EEA1: variants seen among roughly 807,000 people sequenced by gnomAD.
EEA1 encodes early endosome antigen 1, 162kD.
Under a neutral mutation model 209.2 loss-of-function variants are expected in EEA1, and 111 were observed. That is an observed-to-expected ratio of 0.53 (90% CI 0.45 to 0.62). The LOEUF is 0.62. Ranked by LOEUF, EEA1 falls within the 20% of genes least tolerant of loss-of-function variation. The pLI, the probability that EEA1 is intolerant of heterozygous loss-of-function variation, is 0.00. For synonymous variants in EEA1, 536 were observed against 540.6 expected, an observed-to-expected ratio of 0.99 and a Z score of 0.12; for missense variants, 1,343 against 1,530.8, an observed-to-expected ratio of 0.88 and a Z score of 2.05.
At chr12:92,798,157 G>A (rs1287665649) in intron 21 of EEA1, among the ~76,000 whole-genome samples, 1 of 152,096 alleles carries the variant, frequency 6.6e-6, no homozygotes, top group African/African-American at 2.4e-5. Context: ...AACCATTACA[G>A]TGTAACTTAA....
Position 92,842,451 on chromosome 12 carries a change from T to A in EEA1, c.915+14A>T. 7.7e-7 allele frequency: 1 copy of A among 1,306,812 alleles called. No individual in the cohort carries two copies. Among genetic ancestry groups the A allele is most frequent in the Non-Finnish European group, 1.1e-6 (1 of 912,884 alleles). The allele number at this position is 1,306,812 out of a possible 1,614,324, so 81.0% of individuals were successfully genotyped here. A position where few individuals can be genotyped will look rare whatever the true frequency, so the allele number is the denominator to read the frequency against. On this transcript the variant is annotated intron_variant, in intron 10 of 28. Transcript: ENST00000322349. ...AAATCAATTTGCTATTATATATAGC[T>A]TTAAAATTCTCACCTGATTTTTTTG...
intron 10 of EEA1, among the ~76,000 whole-genome samples, chr12:92,834,528 A>C (rs536911894): frequency 8.0e-6 from 1 of 125,338 alleles, no homozygotes; most frequent in Non-Finnish European, 1.6e-5. Flanking sequence ...CTGGGCAACA[A>C]GGGCAAGACC....
Position 92,776,068 on chromosome 12 carries a change from A to G in EEA1, c.4179T>C (p.Pro1393=). 6.2e-7 allele frequency: 1 copy of G among 1,611,748 alleles called. No homozygotes were observed. The highest frequency in any genetic ancestry group is 1.1e-5 in the South Asian group (1 of 90,884). ...AECSAKNALT[P]SSKKPVRVCD... ...AGACACGAACAGGCTTCTTGGAGGAAGGAGTTAAGGCATTTTTGGCTGAAC... is the reference window on the plus strand; with the variant it reads ...AGACACGAACAGGCTTCTTGGAGGAGGGAGTTAAGGCATTTTTGGCTGAAC... Residue 1393 remains proline, a synonymous_variant, in exon 29 of 29, where the codon CCT becomes CCC. Transcript: ENST00000322349.
intron 1 of EEA1, among the ~76,000 whole-genome samples, chr12:92,906,706 G>T (rs1031606266): frequency 1.3e-5 from 2 of 151,890 alleles, no homozygotes; most frequent in Admixed American, 1.3e-4. Context: ...CCCAGCTACT[G>T]GGGAGGCTGA....
intron 2 of EEA1, among the ~76,000 whole-genome samples, chr12:92,891,318 G>C (rs1879646759): frequency 1.3e-5 from 2 of 151,990 alleles, no homozygotes; most frequent in Admixed American, 1.3e-4. Flanking sequence ...GTTCATGACA[G>C]TACACACACA....
chr12:92,907,934 G>A (rs760830781), intron 1 of EEA1, among the ~76,000 whole-genome samples: 9 of 152,112 alleles, frequency 5.9e-5, no homozygotes, highest in South Asian at 4.2e-4. Flanking sequence ...ACACCACTGC[G>A]CTCCAGCCTG....
intron 2 of EEA1, among the ~76,000 whole-genome samples, chr12:92,876,696 A>G (rs1878901527): frequency 6.6e-6 from 1 of 152,158 alleles, no homozygotes; most frequent in Non-Finnish European, 1.5e-5. Flanking sequence ...TACAGAGATT[A>G]GCTTATGGAA....
At chr12:92,791,463 G>C (rs933032436) in intron 21 of EEA1, among the ~76,000 whole-genome samples, 1 of 152,072 alleles carries the variant, frequency 6.6e-6, no homozygotes, top group Non-Finnish European at 1.5e-5. Flanking sequence ...AAAAACACCA[G>C]GGGTTGCAAT....
intron 1 of EEA1, among the ~76,000 whole-genome samples, chr12:92,906,252 T>C (rs890324333): frequency 2.6e-5 from 4 of 151,860 alleles, no homozygotes; most frequent in Admixed American, 1.3e-4. Context: ...CCACCACACC[T>C]GACTAATTTT....
Position 92,856,439 on chromosome 12 carries a change from T to C in EEA1, c.366+836A>G, listed in dbSNP as rs147980696. ...TGTTTTTCTCTATGTATTATTTTTA[T>C]GTAAAGTCATACAGAATATGAGTGT... On this transcript the variant is annotated intron_variant, in intron 5 of 28. Coordinates refer to ENST00000322349, the MANE Select transcript of EEA1 (RefSeq NM_003566.4). Among the ~76,000 whole-genome samples the C allele has an allele frequency of 8.6e-3, 1,311 of 152,306 alleles. 18 individuals are homozygous for C. The highest frequency in any genetic ancestry group is 0.047 in the East Asian group (243 of 5,190).
Position 92,849,499 on chromosome 12 carries a change from TA to T in EEA1, c.798+1611del, listed in dbSNP as rs575654608. On this transcript the variant is annotated intron_variant, in intron 9 of 28. Transcript: ENST00000322349. ...ATAATACCAGTAGGACAAGAGCTTTTAACTGGCTTCAGTAAGTTCATGAACC... is the reference window on the plus strand; with the variant it reads ...ATAATACCAGTAGGACAAGAGCTTTTACTGGCTTCAGTAAGTTCATGAACC... Among the ~76,000 whole-genome samples, 573 of 152,342 alleles carry T rather than the reference TA, an allele frequency of 3.8e-3. 5 individuals carry two copies. Among genetic ancestry groups the T allele is most frequent in the Middle Eastern group, 0.017 (5 of 294 alleles).
At chr12:92,812,658 GA>G (rs1180417583) in intron 16 of EEA1, among the ~76,000 whole-genome samples, 1 of 152,166 alleles carries the variant, frequency 6.6e-6, no homozygotes, top group East Asian at 1.9e-4. Context: ...ACCAACACTT[GA>G]AGGGATGGGG....
intron 2 of EEA1, among the ~76,000 whole-genome samples, chr12:92,890,579 T>C (rs909988925): frequency 6.6e-6 from 1 of 152,280 alleles, no homozygotes; most frequent in African/African-American, 2.4e-5. Context: ...TCAATACCAA[T>C]ACCCATTGGA....
intron 12 of EEA1, 99 bp downstream of exon 12, chr12:92,827,812 TA>T: frequency 7.7e-7 from 1 of 1,304,364 alleles, no homozygotes; most frequent in Non-Finnish European, 1.0e-6. Context: ...ATTTGCACTT[TA>T]AAAAGTCCAA....
chr12:92,893,433 C>T (rs1879742781), intron 1 of EEA1, among the ~76,000 whole-genome samples: 1 of 152,144 alleles, frequency 6.6e-6, no homozygotes, highest in African/African-American at 2.4e-5. Context: ...TGTTAGACAT[C>T]TCCACTGAAA....
rs1474761895 is a variant in EEA1 at position 92,771,682 on chromosome 12, C to G, written c.*4329G>C. ...AAGAGAAGATTTTATAAAGAAATTT[C>G]TGGTTAAAAAAAATTTTTACATTAA... On this transcript the variant is annotated 3_prime_UTR_variant, in exon 29 of 29. Transcript: ENST00000322349. 1.3e-5 allele frequency: 2 copies of G among 151,830 alleles called. No individual in the cohort carries two copies. The highest frequency in any genetic ancestry group is 4.8e-5 in the African/African-American group (2 of 41,364). 9.4% of individuals were successfully genotyped at this position (151,830 alleles called of 1,614,324 possible).
At chr12:92,827,205 A>G (rs963819018) in intron 12 of EEA1, among the ~76,000 whole-genome samples, 1 of 151,964 alleles carries the variant, frequency 6.6e-6, no homozygotes, top group Non-Finnish European at 1.5e-5. Flanking sequence ...AAAAATATAA[A>G]TATTAGCTGG....
intron 1 of EEA1, among the ~76,000 whole-genome samples, chr12:92,924,661 G>A (rs1214464006): frequency 1.3e-5 from 2 of 152,000 alleles, no homozygotes; most frequent in Admixed American, 6.6e-5. Flanking sequence ...TCTGGCATCA[G>A]AGTTCATGTT....
At chr12:92,816,818 T>C (rs939850176) in intron 14 of EEA1, among the ~76,000 whole-genome samples, 2 of 146,932 alleles carry the variant, frequency 1.4e-5, no homozygotes, top group African/African-American at 5.5e-5. Flanking sequence ...TTTGGTTAAG[T>C]AATAAGTTTT....
Sources: allele counts gnomAD v4.1 joint callset (sites outside exome capture counted in the v4.1 genomes callset), GRCh38; gene constraint gnomAD v4.1.1; transcripts MANE v1.5; gene names NCBI Gene and HGNC (gene_info 2026-07-23, HGNC 2026-07-21).